Variants in ATP10D observed in about 807,000 individuals in gnomAD.
ATP10D encodes ATPase phospholipid transporting 10D (putative).
Under a neutral mutation model 144.8 loss-of-function variants are expected in ATP10D, and 89 were observed. The ratio of observed to expected loss-of-function variants is 0.61; its 90% confidence interval spans 0.52 to 0.73. The LOEUF is 0.73. ATP10D is among the 30% of genes least tolerant of loss of function. The pLI, the probability that ATP10D is intolerant of heterozygous loss-of-function variation, is 0.00. For missense variants in ATP10D, 1,603 were observed against 1,714.8 expected (o/e 0.93, Z 1.15); for synonymous variants, 571 against 615.1 (o/e 0.93, Z 1.06).
chr4:47,489,424 A>C (rs1178796625), intron 1 of ATP10D, among the ~76,000 whole-genome samples: 1 of 152,146 alleles, frequency 6.6e-6, no homozygotes, highest in Non-Finnish European at 1.5e-5. Context: ...AACCCAATTT[A>C]TTGGTGGGGA....
intron 18 of ATP10D, among the ~76,000 whole-genome samples, chr4:47,575,924 C>CTTTTTTTTTTTT (rs564960460): frequency 1.2e-5 from 1 of 82,282 alleles, no homozygotes; most frequent in Non-Finnish European, 2.1e-5. Context: ...ACTGGGGTCC[C>CTTTTTTTTTTTT]TTTTTTTTTT....
intron 9 of ATP10D, among the ~76,000 whole-genome samples, chr4:47,543,907 A>C (rs542114833): frequency 6.6e-6 from 1 of 152,282 alleles, no homozygotes; most frequent in East Asian, 1.9e-4. Flanking sequence ...TTCCTACCCC[A>C]CAACTTTCCC....
intron 10 of ATP10D, among the ~76,000 whole-genome samples, chr4:47,551,390 A>T (rs1421009528): frequency 6.6e-6 from 1 of 152,160 alleles, no homozygotes; most frequent in African/African-American, 2.4e-5. Flanking sequence ...TCTACATCAT[A>T]CTCTGTAATC....
intron 9 of ATP10D, among the ~76,000 whole-genome samples, chr4:47,542,103 A>G (rs898824839): frequency 6.6e-6 from 1 of 151,572 alleles, no homozygotes; most frequent in African/African-American, 2.4e-5. Context: ...TTCTCATACA[A>G]TATATTTTTT....
chr4:47,502,286 A>G (rs920109492), intron 1 of ATP10D, among the ~76,000 whole-genome samples: 2 of 152,118 alleles, frequency 1.3e-5, no homozygotes, highest in Non-Finnish European at 2.9e-5. Flanking sequence ...CCTGGCTAAC[A>G]CGGTGAAACC....
At chr4:47,566,490 C>T (rs1415378734) in intron 15 of ATP10D, among the ~76,000 whole-genome samples, 3 of 152,134 alleles carry the variant, frequency 2.0e-5, no homozygotes, top group Admixed American at 6.5e-5. Context: ...TCTCATTTGA[C>T]AATTACAACA....
intron 12 of ATP10D, 42 bp from the exon 13 acceptor site, chr4:47,558,881 G>T: frequency 7.0e-7 from 1 of 1,435,956 alleles, no homozygotes; most frequent in South Asian, 1.2e-5. Flanking sequence ...TCTGTAATTT[G>T]GCAGACTGGT....
In ATP10D at chr4:47,567,226, C is replaced by T. The variant is rs1195063095; in HGVS notation, c.2854-1611C>T. Among the ~76,000 whole-genome samples, 3 of 152,070 alleles carry T rather than the reference C, an allele frequency of 2.0e-5. No individual in the cohort carries two copies. The East Asian group carries it at 5.8e-4, about 29-fold the overall frequency. ...TTGTGAAATTACAGATAAATTTTAT[C>T]AAGTAGGAGAATTCACAAATGTGGA... is the stretch of plus-strand genomic sequence containing the variant. On this transcript the variant is annotated intron_variant, in intron 15 of 22. Transcript: ENST00000273859.
intron 10 of ATP10D, among the ~76,000 whole-genome samples, chr4:47,548,552 G>A (rs1718560200): frequency 6.6e-6 from 1 of 152,286 alleles, no homozygotes; most frequent in Admixed American, 6.5e-5. Flanking sequence ...AGGCTGGCAT[G>A]TCCATTCTCA....
At chr4:47,536,416 T>A (rs1717847654) in intron 7 of ATP10D, 21 bp from the exon 8 acceptor site, 2 of 1,609,620 alleles carry the variant, frequency 1.2e-6, no homozygotes, top group Non-Finnish European at 1.7e-6. Context: ...ATCCTTTTGA[T>A]GTCTGTGTAT....
At chr4:47,513,207 A>G (rs1313652519) in intron 2 of ATP10D, among the ~76,000 whole-genome samples, 2 of 152,096 alleles carry the variant, frequency 1.3e-5, no homozygotes, top group Non-Finnish European at 2.9e-5. Flanking sequence ...AATTTTTCTT[A>G]CTGATAATAG....
rs914662801 is a variant in ATP10D, at chr4:47,591,544, A to G, written c.*163A>G. The G allele has an allele frequency of 2.5e-5, 14 of 559,530 alleles. No homozygotes were observed. Among genetic ancestry groups the G allele is most frequent in the Middle Eastern group, 3.8e-4 (1 of 2,662 alleles). The allele number at this position is 559,530 out of a possible 1,614,324, so 34.7% of individuals were successfully genotyped here. On this transcript the variant is annotated 3_prime_UTR_variant, in exon 23 of 23. Transcript: ENST00000273859. ...AGCATTATTGTATGTTTGTATATAC[A>G]TTTGTGATAGAGGGCTAGAGTTTGA...
rs1719091067 is a variant in ATP10D, at chr4:47,558,174, ATGTC to A, written c.2339_2342del (p.Ser780LeufsTer21). The A allele has an allele frequency of 6.2e-7, 1 of 1,614,146 alleles. No individual in the cohort carries two copies. Among genetic ancestry groups the A allele is most frequent in the Non-Finnish European group, 8.5e-7 (1 of 1,180,032 alleles). On this transcript the variant is annotated frameshift_variant, in exon 12 of 23. Transcript: ENST00000273859. LOFTEE classifies it high-confidence loss of function. Reference sequence around the variant, plus strand: ...GCCCTTTGACTCAGTAAGAAAAAGAATGTCTGTTGTGGTCCGACACCCTCTTTCC... The same window carrying A: ...GCCCTTTGACTCAGTAAGAAAAAGAATGTTGTGGTCCGACACCCTCTTTCC...
Position 47,557,986 on chromosome 4 carries a change from C to T in ATP10D, c.2147C>T (p.Pro716Leu), listed in dbSNP as rs781668803. Residue 716 changes from proline to leucine, a missense_variant, in exon 12 of 23, where the codon CCA becomes CTA. Coordinates refer to ENST00000273859, the MANE Select transcript of ATP10D (RefSeq NM_020453.4). Reference sequence around the variant, plus strand: ...AAGGCAGAGTCCCTCCCTGGACAGCCATTGGCCTGCAACCTGTGTTATGAG... The same window carrying T: ...AAGGCAGAGTCCCTCCCTGGACAGCTATTGGCCTGCAACCTGTGTTATGAG... ...NGKAESLPGQ[P>L]LACNLCYEAE... 1.2e-6 allele frequency: 2 copies of T among 1,614,056 alleles called. No individual in the cohort carries two copies. Among genetic ancestry groups the T allele is most frequent in the Non-Finnish European group, 1.7e-6 (2 of 1,179,912 alleles).
rs1484397911 is a variant in ATP10D at position 47,515,567 on chromosome 4, G to T, written c.382G>T (p.Val128Leu). Residue 128 changes from valine to leucine, a missense_variant, in exon 3 of 23, where the codon GTG (valine) becomes TTG (leucine). Transcript: ENST00000273859. ...AAAGGAAATCACCATGTTGCCTCTG[G>T]TGGTGGTCCTTACAATTATCGCAAT... ...FQKEITMLPL[V>L]VVLTIIAIKD... 1.2e-6 allele frequency: 2 copies of T among 1,613,572 alleles called. No individual in the cohort carries two copies. The highest frequency in any genetic ancestry group is 1.7e-5 in the Admixed American group (1 of 60,014).
At chr4:47,503,713 A>T (rs981088437) in intron 1 of ATP10D, among the ~76,000 whole-genome samples, 1 of 152,020 alleles carries the variant, frequency 6.6e-6, no homozygotes, top group African/African-American at 2.4e-5. Context: ...CCTGGGCAGT[A>T]TAGAAAGACC....
chr4:47,495,577 ACT>A (rs1715311403), intron 1 of ATP10D, among the ~76,000 whole-genome samples: 1 of 152,046 alleles, frequency 6.6e-6, no homozygotes, highest in Admixed American at 6.6e-5. Context: ...CAAAATAACC[ACT>A]GTTAATGTTT....
At position 47,524,013 on chromosome 4, in the gene ATP10D, G is replaced by T. The variant is rs867379782; in HGVS notation, c.690+797G>T. Among the ~76,000 whole-genome samples, 5 of 152,144 alleles carry T rather than the reference G, an allele frequency of 3.3e-5. No individual in the cohort carries two copies. In the East Asian group the frequency reaches 9.7e-4, roughly 29 times the overall value. ...GCAATCTCTGCTCACTGCAACCACC[G>T]CCTCCTGTGTTCAAATGATACTCCT... On this transcript the variant is annotated intron_variant, in intron 4 of 22. Coordinates refer to ENST00000273859, the MANE Select transcript of ATP10D (RefSeq NM_020453.4).
chr4:47,552,361 A>AT (rs1553897715), intron 10 of ATP10D, among the ~76,000 whole-genome samples: 1 of 152,104 alleles, frequency 6.6e-6, no homozygotes, highest in Non-Finnish European at 1.5e-5. Context: ...ACAGAAATTT[A>AT]TTTTTCACAG....
Sources: gnomAD v4.1 joint callset for allele counts (sites outside exome capture counted in the v4.1 genomes callset) on GRCh38, gnomAD v4.1.1 for gene constraint, MANE v1.5 for transcripts, NCBI Gene and HGNC (gene_info 2026-07-23, HGNC 2026-07-21) for gene names.